Variants in MED30 observed in about 807,000 individuals in gnomAD.
The protein encoded by MED30 is mediator complex subunit 30.
A neutral mutation model predicts 21.7 loss-of-function variants in MED30; 8 were observed. The observed-to-expected ratio is 0.37, with a 90% CI of 0.22 to 0.67. The LOEUF is 0.67. Among genes scored for constraint, MED30 ranks in the 30% least tolerant of loss-of-function variants. MED30 has a pLI of 0.58. For synonymous variants in MED30, 79 were observed against 86.7 expected, an observed-to-expected ratio of 0.91 and a Z score of 0.49; for missense variants, 203 against 228.2, an observed-to-expected ratio of 0.89 and a Z score of 0.71.
intron 1 of MED30, among the ~76,000 whole-genome samples, chr8:117,521,619 T>G (rs1326209715): frequency 6.6e-6 from 1 of 152,186 alleles, no homozygotes; most frequent in Non-Finnish European, 1.5e-5. Flanking sequence ...CTTCCATCGC[T>G]AAGCAACCAT....
rs763794045 is a variant in MED30 at position 117,530,734 on chromosome 8, A to G, written c.348A>G (p.Pro116=). The change falls in exon 3 of 4, where the codon CCA becomes CCG. Residue 116 remains proline (P), a synonymous_variant. Coordinates refer to ENST00000297347, the MANE Select transcript of MED30 (RefSeq NM_080651.4). ...MDPIPVEQLI[P]YVEEDGSKND... is the part of the protein sequence containing the mutation. ...TTAATCATTCCCAGCAACTTATTCC[A>G]TATGTGGAAGAAGATGGCTCAAAGA... is the stretch of plus-strand genomic sequence containing the variant. 5 of 1,610,520 alleles carry G rather than the reference A, an allele frequency of 3.1e-6. No homozygotes were observed. In the African/African-American group the frequency reaches 5.3e-5, roughly 17 times the overall value.
chr8:117,539,642 G>A (rs961179796), intron 3 of MED30, among the ~76,000 whole-genome samples: 17 of 152,208 alleles, frequency 1.1e-4, no homozygotes, highest in African/African-American at 4.1e-4. Context: ...AAGTGGAAGA[G>A]TAAGCAGGGC....
intron 3 of MED30, among the ~76,000 whole-genome samples, chr8:117,536,541 T>C (rs1182722009): frequency 6.6e-6 from 1 of 152,176 alleles, no homozygotes; most frequent in Non-Finnish European, 1.5e-5. Context: ...ATATTGATGG[T>C]GTGTTTACTA....
intron 1 of MED30, 38 bp from the exon 2 acceptor site, chr8:117,528,613 A>G: frequency 6.7e-7 from 1 of 1,500,628 alleles, no homozygotes; most frequent in Non-Finnish European, 8.9e-7. Context: ...TTTTTTTTTC[A>G]TTACTTGATA....
At chr8:117,534,174 C>T (rs148042560) in intron 3 of MED30, among the ~76,000 whole-genome samples, 1,608 of 152,048 alleles carry the variant, frequency 0.011, 34 homozygotes, top group African/African-American at 0.037. Context: ...GTGGATCAGG[C>T]GTATTCTCGG....
At position 117,530,711 on chromosome 8, in the gene MED30, A is replaced by C; in HGVS notation, c.337-12A>C. 4.4e-6 allele frequency: 7 copies of C among 1,598,212 alleles called. No individual in the cohort carries two copies. Among genetic ancestry groups the C allele is most frequent in the Non-Finnish European group, 6.0e-6 (7 of 1,170,690 alleles). Reference sequence around the variant, plus strand: ...ATATTTTTGCCTTTTAATTTTTGTTAATCATTCCCAGCAACTTATTCCATA... The same window carrying C: ...ATATTTTTGCCTTTTAATTTTTGTTCATCATTCCCAGCAACTTATTCCATA... On this transcript the variant is annotated splice_polypyrimidine_tract_variant and intron_variant, in intron 2 of 3. Transcript: ENST00000297347.
At chr8:117,532,253 C>A (rs1274483151) in intron 3 of MED30, among the ~76,000 whole-genome samples, 1 of 151,848 alleles carries the variant, frequency 6.6e-6, no homozygotes, top group Non-Finnish European at 1.5e-5. Context: ...GATTTTAGTG[C>A]AATACCAATC....
chr8:117,539,626 T>C (rs928394939), intron 3 of MED30, among the ~76,000 whole-genome samples: 2 of 152,232 alleles, frequency 1.3e-5, no homozygotes, highest in Non-Finnish European at 2.9e-5. Context: ...GATTTGTTTA[T>C]GGTGGAAGTG....
At chr8:117,532,506 T>C (rs1387083590) in intron 3 of MED30, among the ~76,000 whole-genome samples, 1 of 152,040 alleles carries the variant, frequency 6.6e-6, no homozygotes, top group Non-Finnish European at 1.5e-5. Context: ...GAATTTAATA[T>C]GACAGAAGAG....
intron 1 of MED30, among the ~76,000 whole-genome samples, chr8:117,527,808 A>C (rs1348619003): frequency 6.6e-6 from 1 of 151,814 alleles, no homozygotes; most frequent in Admixed American, 6.6e-5. Flanking sequence ...GTATTGATTC[A>C]AGTATTAGGG....
In MED30 at chr8:117,536,090, C is replaced by G. The variant is rs750519612; in HGVS notation, c.442-3793C>G. ...AAATATTTAAATATTTGTGTGCCTG[C>G]TCTCTGACAGGCATTGTCCTCAGTA... On this transcript the variant is annotated intron_variant, in intron 3 of 3. Coordinates refer to ENST00000297347, the MANE Select transcript of MED30 (RefSeq NM_080651.4). Among the ~76,000 whole-genome samples the G allele has an allele frequency of 1.1e-4, 16 of 152,106 alleles. No individual in the cohort carries two copies. The South Asian group carries it at 2.3e-3, about 22-fold the overall frequency.
chr8:117,536,446 G>A (rs547668910), intron 3 of MED30, among the ~76,000 whole-genome samples: 1 of 152,120 alleles, frequency 6.6e-6, no homozygotes, highest in African/African-American at 2.4e-5. Flanking sequence ...CCTAAAATAA[G>A]TAGATTTATA....
In MED30 at chr8:117,520,727, T is replaced by G; in HGVS notation, c.-150T>G. 1.4e-6 allele frequency: 1 copy of G among 723,748 alleles called. No individual in the cohort carries two copies. Among genetic ancestry groups the G allele is most frequent in the Non-Finnish European group, 2.2e-6 (1 of 458,214 alleles). 44.8% of individuals were successfully genotyped at this position (723,748 alleles called of 1,614,324 possible). Reference sequence around the variant, plus strand: ...CGTTTTCTGACGTGTTACGTCACAGTGGGCGGAAGTCGCGGCCGCTGTTTT... The same window carrying G: ...CGTTTTCTGACGTGTTACGTCACAGGGGGCGGAAGTCGCGGCCGCTGTTTT... On this transcript the variant is annotated 5_prime_UTR_variant, in exon 1 of 4. Transcript: ENST00000297347.
chr8:117,534,385 G>A (rs943548474), intron 3 of MED30, among the ~76,000 whole-genome samples: 26 of 151,908 alleles, frequency 1.7e-4, no homozygotes, highest in Non-Finnish European at 1.6e-4. Context: ...GTATATTTAC[G>A]GAATGAAAGT....
chr8:117,524,880 A>C (rs1818695809), intron 1 of MED30, among the ~76,000 whole-genome samples: 1 of 152,016 alleles, frequency 6.6e-6, no homozygotes, highest in Admixed American at 6.6e-5. Context: ...TTTTCAGTTG[A>C]TATATTTTGG....
chr8:117,537,467 T>A (rs1818898820), intron 3 of MED30, among the ~76,000 whole-genome samples: 1 of 152,230 alleles, frequency 6.6e-6, no homozygotes, highest in Admixed American at 6.5e-5. Context: ...CTGGATATTT[T>A]ATTTGTATGC....
intron 2 of MED30, among the ~76,000 whole-genome samples, chr8:117,529,310 A>G (rs1375309490): frequency 6.6e-6 from 1 of 151,928 alleles, no homozygotes; most frequent in Non-Finnish European, 1.5e-5. Context: ...ATATATTTCT[A>G]TAAGTCACCC....
intron 3 of MED30, among the ~76,000 whole-genome samples, chr8:117,535,271 ATC>A (rs1040266198): frequency 7.5e-5 from 11 of 145,846 alleles, no homozygotes; most frequent in Admixed American, 1.4e-4. Context: ...GAGAGACAAA[ATC>A]TCTCTCTGTC....
chr8:117,520,869 G>C lies in MED30; in HGVS notation c.-8G>C. On this transcript the variant is annotated 5_prime_UTR_variant, in exon 1 of 4. Transcript: ENST00000297347. ...TGGCCCCTTCCGGCCTGAAGCTGCA[G>C]CCGCGCCATGTCCACCCCTCCGTTG... is the stretch of plus-strand genomic sequence containing the variant. The C allele has an allele frequency of 2.5e-6, 4 of 1,582,802 alleles. No homozygotes were observed. The highest frequency in any genetic ancestry group is 3.4e-6 in the Non-Finnish European group (4 of 1,165,262).
Sources: gnomAD v4.1 joint callset for allele counts (sites outside exome capture counted in the v4.1 genomes callset) on GRCh38, gnomAD v4.1.1 for gene constraint, MANE v1.5 for transcripts, NCBI Gene and HGNC (gene_info 2026-07-23, HGNC 2026-07-21) for gene names.